PLEKHG7: variants seen among roughly 807,000 people sequenced by gnomAD.
PLEKHG7 encodes the protein pleckstrin homology and RhoGEF domain containing G7.
Under a neutral mutation model 85.2 loss-of-function variants are expected in PLEKHG7, and 77 were observed. The observed-to-expected ratio is 0.90, with a 90% CI of 0.75 to 1.09. PLEKHG7 has a LOEUF of 1.09. Ranked by LOEUF, PLEKHG7 falls within the 50% of genes least tolerant of loss-of-function variation. PLEKHG7 has a pLI of 0.00. For missense variants in PLEKHG7, 777 were observed against 804.3 expected (o/e 0.97, Z 0.41); for synonymous variants, 301 against 302.4 (o/e 1.00, Z 0.05).
chr12:92,760,097 C>T (rs1259234226), intron 13 of PLEKHG7, among the ~76,000 whole-genome samples: 1 of 152,084 alleles, frequency 6.6e-6, no homozygotes, highest in African/African-American at 2.4e-5. Flanking sequence ...TTAGCCCTGC[C>T]CTTCACGAAT....
intron 1 of PLEKHG7, among the ~76,000 whole-genome samples, chr12:92,704,685 G>A (rs1871180632): frequency 6.6e-6 from 1 of 152,200 alleles, no homozygotes; most frequent in African/African-American, 2.4e-5. Flanking sequence ...TTGCATCTAA[G>A]TTGTTCCTCA....
chr12:92,741,930 C>T (rs947945030), intron 9 of PLEKHG7, among the ~76,000 whole-genome samples: 8 of 152,258 alleles, frequency 5.3e-5, no homozygotes, highest in East Asian at 1.9e-4. Flanking sequence ...GTTGTTTTAA[C>T]GAAAGTACCA....
chr12:92,759,098 C>T (rs911984619), intron 13 of PLEKHG7, among the ~76,000 whole-genome samples: 2 of 152,184 alleles, frequency 1.3e-5, no homozygotes, highest in Non-Finnish European at 2.9e-5. Flanking sequence ...TTCCAAATTT[C>T]TCCCAGCCTT....
At chr12:92,730,851 T>C (rs980001496) in intron 4 of PLEKHG7, among the ~76,000 whole-genome samples, 4 of 152,226 alleles carry the variant, frequency 2.6e-5, no homozygotes, top group African/African-American at 9.6e-5. Flanking sequence ...CCTAGCATCG[T>C]GGTAGATACC....
chr12:92,740,349 A>T (rs1476651444), intron 7 of PLEKHG7, among the ~76,000 whole-genome samples: 1 of 152,194 alleles, frequency 6.6e-6, no homozygotes. Context: ...AACTCCCTCA[A>T]TGTTTTCATC....
chr12:92,737,796 G>A (rs2136601318), intron 7 of PLEKHG7, among the ~76,000 whole-genome samples: 1 of 152,184 alleles, frequency 6.6e-6, no homozygotes, highest in African/African-American at 2.4e-5. Flanking sequence ...CGGGAGGCCA[G>A]GTGAGGCTTT....
intron 4 of PLEKHG7, among the ~76,000 whole-genome samples, chr12:92,729,485 C>T (rs2136591586): frequency 6.6e-6 from 1 of 150,722 alleles, no homozygotes; most frequent in East Asian, 1.9e-4. Flanking sequence ...GTTCATCTCC[C>T]ACCCCACTCC....
intron 4 of PLEKHG7, among the ~76,000 whole-genome samples, chr12:92,729,559 G>A (rs571617957): frequency 2.6e-5 from 4 of 151,914 alleles, no homozygotes; most frequent in South Asian, 2.1e-4. Context: ...CAGAGGTGCC[G>A]GTGGCAGATG....
At chr12:92,729,428 A>G (rs1294176570) in intron 4 of PLEKHG7, among the ~76,000 whole-genome samples, 1 of 148,524 alleles carries the variant, frequency 6.7e-6, no homozygotes, top group African/African-American at 2.5e-5. Context: ...CCTAGATCAG[A>G]GTGCCCTCTC....
At chr12:92,712,562 G>C (rs994225916) in intron 3 of PLEKHG7, among the ~76,000 whole-genome samples, 5 of 152,162 alleles carry the variant, frequency 3.3e-5, no homozygotes, top group African/African-American at 1.2e-4. Context: ...ACAGGGATGT[G>C]GTGGGAATCA....
At chr12:92,753,039 A>G (rs1262574618) in intron 10 of PLEKHG7, among the ~76,000 whole-genome samples, 2 of 152,212 alleles carry the variant, frequency 1.3e-5, no homozygotes, top group African/African-American at 2.4e-5. Flanking sequence ...ATGCCGCTCC[A>G]CTGAAGGTTA....
chr12:92,772,260 T>G lies in PLEKHG7; in HGVS notation c.*2065T>G, dbSNP rs1873462645. The G allele has an allele frequency of 6.6e-6, 1 of 151,920 alleles. No homozygotes were observed. Among genetic ancestry groups the G allele is most frequent in the African/African-American group, 2.4e-5 (1 of 41,416 alleles). The allele number at this position is 151,920 out of a possible 1,614,324, so 9.4% of individuals were successfully genotyped here. On this transcript the variant is annotated 3_prime_UTR_variant, in exon 17 of 17. Coordinates refer to ENST00000344636, the MANE Select transcript of PLEKHG7 (RefSeq NM_001377329.1). ...AATGAAATAAGGGGTTAATTACATA[T>G]TTTTTATATTTGTTTTTAGTTTTGT...
Position 92,706,656 on chromosome 12 carries a change from C to G in PLEKHG7, c.25C>G (p.Pro9Ala). 6.2e-7 allele frequency: 1 copy of G among 1,613,548 alleles called. No individual in the cohort carries two copies. Among genetic ancestry groups the G allele is most frequent in the Non-Finnish European group, 8.5e-7 (1 of 1,179,768 alleles). ...TATGGAGAAAACAGAGTCATTCTGT[C>G]CAGAGGTGCCACCCCAAGACTGTGG... MEKTESFC[P>A]EVPPQDCGAS... The change falls in exon 2 of 17, where the codon CCA becomes GCA. Residue 9 changes from proline (P) to alanine (A), a missense_variant. This residue lies in a region of PLEKHG7 where 252 missense variants were observed against 241.9 expected (regional missense o/e 1.04). Coordinates refer to ENST00000344636, the MANE Select transcript of PLEKHG7 (RefSeq NM_001377329.1).
chr12:92,715,081 T>C (rs1192924755), intron 3 of PLEKHG7, among the ~76,000 whole-genome samples: 3 of 152,084 alleles, frequency 2.0e-5, no homozygotes, highest in Non-Finnish European at 4.4e-5. Context: ...GTTTATTAAG[T>C]ATTAACTCAC....
At chr12:92,761,880 G>A in intron 14 of PLEKHG7, 49 bp downstream of exon 14, 1 of 1,496,890 alleles carries the variant, frequency 6.7e-7, no homozygotes, top group Non-Finnish European at 8.8e-7. Flanking sequence ...TTTGCTAAAT[G>A]AGTTTAGAAA....
At chr12:92,712,378 G>A (rs893486458) in intron 3 of PLEKHG7, among the ~76,000 whole-genome samples, 1 of 152,182 alleles carries the variant, frequency 6.6e-6, no homozygotes, top group Non-Finnish European at 1.5e-5. Context: ...AAAGGCATTC[G>A]CCAAGTCACT....
intron 14 of PLEKHG7, among the ~76,000 whole-genome samples, chr12:92,763,779 A>T (rs932999052): frequency 2.0e-5 from 3 of 152,076 alleles, no homozygotes; most frequent in African/African-American, 7.2e-5. Context: ...AGATCGCACC[A>T]CTGTACTCCA....
intron 3 of PLEKHG7, among the ~76,000 whole-genome samples, chr12:92,715,469 TAAAC>T (rs978426962): frequency 6.6e-6 from 1 of 152,068 alleles, no homozygotes; most frequent in African/African-American, 2.4e-5. Flanking sequence ...TTACTACTAA[TAAAC>T]AAGAACTGAA....
intron 3 of PLEKHG7, among the ~76,000 whole-genome samples, chr12:92,723,696 G>A (rs1462580390): frequency 6.6e-6 from 1 of 151,940 alleles, no homozygotes; most frequent in Non-Finnish European, 1.5e-5. Flanking sequence ...TTCAACCAAG[G>A]GTCACACTGC....
Sources: allele counts gnomAD v4.1 joint callset (sites outside exome capture counted in the v4.1 genomes callset), GRCh38; gene constraint gnomAD v4.1.1; regional missense constraint gnomAD v4.1.1; transcripts MANE v1.5; gene names NCBI Gene and HGNC (gene_info 2026-07-23, HGNC 2026-07-21).